Variants in FHDC1 observed in about 807,000 individuals in gnomAD.
FHDC1 encodes the protein FH2 domain-containing protein 1.
FHDC1 carries 25 observed loss-of-function variants against 52.6 expected under a neutral mutation model. The observed-to-expected ratio is 0.48, with a 90% CI of 0.35 to 0.66. FHDC1 has a LOEUF of 0.66. Among genes scored for constraint, FHDC1 ranks in the 30% least tolerant of loss-of-function variants. The probability of loss-of-function intolerance (pLI) is 0.01; values close to 1 mark genes in which losing one functional copy is unlikely to be tolerated. For synonymous variants in FHDC1, 616 were observed against 581.5 expected (o/e 1.06, Z -0.85); for missense variants, 1,459 against 1,452.8 (o/e 1.00, Z -0.07).
chr4:152,967,929 G>T, intron 9 of FHDC1, 51 bp from the exon 10 acceptor site: 1 of 1,368,144 alleles, frequency 7.3e-7, no homozygotes. Context: ...ATACCTACAT[G>T]ACACATGGCT....
chr4:152,969,290 C>G (rs973401141), intron 10 of FHDC1, among the ~76,000 whole-genome samples: 3 of 152,150 alleles, frequency 2.0e-5, no homozygotes, highest in African/African-American at 7.2e-5. Context: ...AATATTATGG[C>G]CTTCGGCGGA....
chr4:152,919,938 G>T, the FHDC1 span, among the ~76,000 whole-genome samples: 7 of 147,568 alleles, frequency 4.7e-5, no homozygotes, highest in African/African-American at 1.7e-4. Flanking sequence ...TTCTGGTAGG[G>T]AAGTTCTTTT....
rs748655319 is a variant in FHDC1, at chr4:152,943,437, A to G, written c.380A>G (p.Tyr127Cys). 2 of 1,614,118 alleles carry G rather than the reference A, an allele frequency of 1.2e-6. No homozygotes were observed. Among genetic ancestry groups the G allele is most frequent in the Non-Finnish European group, 1.7e-6 (2 of 1,180,002 alleles). ...WTLAARQEHHYQIDTKTIEEL... is the reference protein window; with the variant it reads ...WTLAARQEHHCQIDTKTIEEL... ...TTGGCAGCCAGGCAGGAACATCACTACCAAATTGATACAAAGACCATTGAG... is the reference window on the plus strand; with the variant it reads ...TTGGCAGCCAGGCAGGAACATCACTGCCAAATTGATACAAAGACCATTGAG... Residue 127 changes from tyrosine to cysteine, a missense_variant, in exon 2 of 12, where the codon TAC (tyrosine) becomes TGC (cysteine). By Grantham distance (194) the Tyr-to-Cys change is radical. This residue lies in a region of FHDC1 where 513 missense variants were observed against 581.5 expected (regional missense o/e 0.88). Transcript: ENST00000511601.
chr4:152,922,521 T>A, the FHDC1 span, among the ~76,000 whole-genome samples: 1 of 151,192 alleles, frequency 6.6e-6, no homozygotes, highest in South Asian at 2.1e-4. Flanking sequence ...GCCAGCATCA[T>A]CCTGATACCA....
chr4:152,933,053 T>A (rs1739278060), upstream of FHDC1, among the ~76,000 whole-genome samples: 1 of 152,214 alleles, frequency 6.6e-6, no homozygotes, highest in Non-Finnish European at 1.5e-5. Flanking sequence ...CAGTGCCTGG[T>A]ACAGACCCAT....
upstream of FHDC1, among the ~76,000 whole-genome samples, chr4:152,933,299 A>AT (rs34272079): frequency 0.037 from 5,610 of 152,324 alleles, 157 homozygotes; most frequent in South Asian, 0.078. Flanking sequence ...GACAATCAGC[A>AT]TATTAATAGA....
At chr4:152,930,997 A>ACACTCTCT in the FHDC1 span, among the ~76,000 whole-genome samples, 9 of 113,144 alleles carry the variant, frequency 8.0e-5, no homozygotes, top group African/African-American at 1.7e-4. Context: ...ACACACACAC[A>ACACTCTCT]CTCTCTCTCT....
chr4:152,966,299 A>G (rs1021743013), intron 9 of FHDC1, among the ~76,000 whole-genome samples: 1 of 152,236 alleles, frequency 6.6e-6, no homozygotes, highest in Non-Finnish European at 1.5e-5. Flanking sequence ...CAGGTCTCAG[A>G]TATGTGCCGG....
rs1739614514 is a variant in FHDC1, at chr4:152,942,941, C to G, written c.-117C>G. 1.8e-6 allele frequency: 2 copies of G among 1,091,570 alleles called. No homozygotes were observed. The highest frequency in any genetic ancestry group is 2.6e-6 in the Non-Finnish European group (2 of 755,664). 67.6% of individuals were successfully genotyped at this position (1,091,570 alleles called of 1,614,324 possible). A position where few individuals can be genotyped will look rare whatever the true frequency, so the allele number is the denominator to read the frequency against. ...TTATCTTGCTAGGTTTGGAAGAGGA[C>G]AGTTGCCCTTTATTCTGGCGGCAGA... On this transcript the variant is annotated 5_prime_UTR_variant, in exon 2 of 12. Transcript: ENST00000511601.
intron 10 of FHDC1, among the ~76,000 whole-genome samples, chr4:152,970,761 C>T (rs990873098): frequency 9.9e-5 from 15 of 152,130 alleles, no homozygotes; most frequent in Non-Finnish European, 2.2e-4. Context: ...ACATAGTTTT[C>T]GTTTCTTACT....
chr4:152,955,014 C>G (rs1223127431), intron 4 of FHDC1, among the ~76,000 whole-genome samples: 1 of 152,118 alleles, frequency 6.6e-6, no homozygotes, highest in East Asian at 1.9e-4. Flanking sequence ...AAATTCTCAT[C>G]ATCCAAAGAA....
rs1740519607 is a variant in FHDC1 at position 152,968,104 on chromosome 4, A to G, written c.1218+7A>G. ...GATGGAAGATTTTCTTCAGGTTTGT[A>G]GGTGACTCAAGTCAGTCCCTCTAAT... On this transcript the variant is annotated splice_region_variant and intron_variant, in intron 10 of 11. Transcript: ENST00000511601. 6.2e-7 allele frequency: 1 copy of G among 1,605,740 alleles called. No homozygotes were observed. Among genetic ancestry groups the G allele is most frequent in the Non-Finnish European group, 8.5e-7 (1 of 1,173,304 alleles).
intron 4 of FHDC1, among the ~76,000 whole-genome samples, chr4:152,957,484 G>A (rs1740132971): frequency 6.6e-6 from 1 of 152,200 alleles, no homozygotes; most frequent in African/African-American, 2.4e-5. Flanking sequence ...CAGCGGGGTG[G>A]ACTTGAGCCC....
chr4:152,966,890 C>A (rs1740477855), intron 9 of FHDC1, among the ~76,000 whole-genome samples: 1 of 152,028 alleles, frequency 6.6e-6, no homozygotes, highest in African/African-American at 2.4e-5. Flanking sequence ...GAGGCCAAGG[C>A]AGGAAGACTG....
At chr4:152,926,270 AC>A in the FHDC1 span, among the ~76,000 whole-genome samples, 1 of 55,398 alleles carries the variant, frequency 1.8e-5, no homozygotes, top group Admixed American at 2.6e-4. Flanking sequence ...AAATACAGAC[AC>A]ACACACACAC....
At chr4:152,943,991 C>G (rs1313396113) in intron 2 of FHDC1, among the ~76,000 whole-genome samples, 1 of 152,212 alleles carries the variant, frequency 6.6e-6, no homozygotes, top group African/African-American at 2.4e-5. Flanking sequence ...AGCTGACGTC[C>G]ATCCTTAGGA....
the FHDC1 span, chr4:152,911,927 C>G: frequency 1.3e-5 from 2 of 152,524 alleles, no homozygotes; most frequent in South Asian, 4.1e-4. Flanking sequence ...TTCTCTGGAC[C>G]TTCATAGTTT....
the FHDC1 span, among the ~76,000 whole-genome samples, chr4:152,914,227 A>G: frequency 6.6e-6 from 1 of 152,222 alleles, no homozygotes; most frequent in African/African-American, 2.4e-5. Context: ...GACTTTCATT[A>G]AATTCAGTTC....
chr4:152,945,610 C>T (rs1739705875), intron 2 of FHDC1, among the ~76,000 whole-genome samples: 1 of 152,116 alleles, frequency 6.6e-6, no homozygotes. Context: ...GGGCGTGCCA[C>T]AACACCCAGC....
Sources: gnomAD v4.1 joint callset for allele counts (sites outside exome capture counted in the v4.1 genomes callset) on GRCh38, gnomAD v4.1.1 for gene constraint, gnomAD v4.1.1 regional missense constraint, MANE v1.5 for transcripts, NCBI Gene and HGNC (gene_info 2026-07-23, HGNC 2026-07-21) for gene names.